AR: variants seen among roughly 807,000 people sequenced by gnomAD.
AR encodes androgen receptor.
AR carries 8 observed loss-of-function variants against 53.9 expected under a neutral mutation model. The observed-to-expected ratio is 0.15, with a 90% confidence interval of 0.09 to 0.27. The LOEUF (loss-of-function observed/expected upper bound fraction) is 0.27, where lower values mean the gene tolerates loss of function less well. Among genes scored for constraint, AR ranks in the 10% least tolerant of loss-of-function variants. The pLI is 1.00. For synonymous variants in AR, 359 were observed against 316.4 expected, an observed-to-expected ratio of 1.13 and a Z score of -1.43; for missense variants, 639 against 742.5, an observed-to-expected ratio of 0.86 and a Z score of 1.62.
intron 1 of AR, among the ~76,000 whole-genome samples, chrX:67,641,529 A>C (rs1038558633): frequency 2.7e-5 from 3 of 112,088 alleles, no homozygotes; most frequent in Non-Finnish European, 5.6e-5. Flanking sequence ...AAATGATCTT[A>C]GCATTTAGCT....
chrX:67,680,615 G>A, intron 2 of AR: 1 of 314,694 alleles, frequency 3.2e-6, no homozygotes. Context: ...AGGATTCTCT[G>A]TAGGTTAACA....
intron 2 of AR, among the ~76,000 whole-genome samples, chrX:67,677,494 G>A (rs1462429351): frequency 1.2e-4 from 13 of 111,773 alleles, no homozygotes; most frequent in Admixed American, 7.6e-4. Context: ...ATAACATTTC[G>A]TACACTGCTG....
chrX:67,649,069 C>T (rs929881990), intron 2 of AR, among the ~76,000 whole-genome samples: 4 of 111,448 alleles, frequency 3.6e-5, no homozygotes, highest in African/African-American at 1.3e-4. Flanking sequence ...GTTCCCCTCC[C>T]TGTGTCCATG....
intron 1 of AR, among the ~76,000 whole-genome samples, chrX:67,564,105 A>G (rs1921452674): frequency 9.0e-6 from 1 of 111,399 alleles, no homozygotes; most frequent in Non-Finnish European, 1.9e-5. Context: ...TTGCTTGGGA[A>G]CCTAATGTTA....
chrX:67,625,921 T>C lies in AR; in HGVS notation c.1617-17335T>C, dbSNP rs191651107. Among the ~76,000 whole-genome samples, 903 of 111,050 alleles carry C rather than the reference T, an allele frequency of 8.1e-3. 6 individuals carry two copies. Among genetic ancestry groups the C allele is most frequent in the African/African-American group, 0.028 (860 of 30,602 alleles). On this transcript the variant is annotated intron_variant, in intron 1 of 7. Transcript: ENST00000374690. ...AAAATTTTTTTAAAAAAACCCTTGA[T>C]TATTTTATTAAAATTTTGTTGTGGG... is the stretch of plus-strand genomic sequence containing the variant.
Position 67,724,146 on chromosome X carries a change from T to C in AR, c.*305T>C. The C allele has an allele frequency of 9.0e-6, 3 of 332,690 alleles. No individual in the cohort carries two copies. The highest frequency in any genetic ancestry group is 1.6e-5 in the Non-Finnish European group (3 of 189,717). The allele number at this position is 332,690 out of a possible 1,213,427, so 27.4% of individuals were successfully genotyped here. A position where few individuals can be genotyped will look rare whatever the true frequency, so the allele number is the denominator to read the frequency against. On this transcript the variant is annotated 3_prime_UTR_variant, in exon 8 of 8. Transcript: ENST00000374690. ...CTTTAAATCTGTGATGATCCTCATA[T>C]GGCCCAGTGTCAAGTTGTGCTTGTT... is the stretch of plus-strand genomic sequence containing the variant.
intron 4 of AR, among the ~76,000 whole-genome samples, chrX:67,715,143 G>T (rs1324298649): frequency 3.6e-5 from 4 of 111,378 alleles, no homozygotes; most frequent in Non-Finnish European, 7.5e-5. Flanking sequence ...AGGTTCACCA[G>T]CCAAAAGCTT....
chrX:67,614,489 A>G (rs1178551955), intron 1 of AR, among the ~76,000 whole-genome samples: 1 of 111,790 alleles, frequency 8.9e-6, no homozygotes, highest in Non-Finnish European at 1.9e-5. Flanking sequence ...ATTGTGAGTA[A>G]CAACACCAGA....
intron 3 of AR, among the ~76,000 whole-genome samples, chrX:67,687,954 G>A (rs2075975892): frequency 8.9e-6 from 1 of 112,458 alleles, no homozygotes; most frequent in Non-Finnish European, 1.9e-5. Context: ...AGGAGCCTGT[G>A]TATAACAGAT....
intron 1 of AR, among the ~76,000 whole-genome samples, chrX:67,617,806 C>G (rs1435215946): frequency 9.0e-6 from 1 of 111,529 alleles, no homozygotes; most frequent in African/African-American, 3.3e-5. Flanking sequence ...AACTCCCACT[C>G]CAGTATACTA....
intron 2 of AR, among the ~76,000 whole-genome samples, chrX:67,651,517 T>A (rs1008112926): frequency 9.0e-6 from 1 of 111,537 alleles, no homozygotes; most frequent in African/African-American, 3.3e-5. Context: ...AACCCAAGTC[T>A]TCTGGGGTCA....
At chrX:67,642,708 T>C (rs1925847303) in intron 1 of AR, among the ~76,000 whole-genome samples, 2 of 111,957 alleles carry the variant, frequency 1.8e-5, no homozygotes, top group African/African-American at 3.2e-5. Context: ...TGTGTATTTA[T>C]TCCAATGGCA....
At chrX:67,570,060 A>G (rs1921745667) in intron 1 of AR, among the ~76,000 whole-genome samples, 1 of 111,396 alleles carries the variant, frequency 9.0e-6, no homozygotes, top group Non-Finnish European at 1.9e-5. Context: ...TGCATGTTTT[A>G]GTTTGTATGA....
chrX:67,597,878 G>C (rs935524368), intron 1 of AR, among the ~76,000 whole-genome samples: 1 of 111,998 alleles, frequency 8.9e-6, no homozygotes, highest in Non-Finnish European at 1.9e-5. Flanking sequence ...GTTGTTGTTG[G>C]AGGGGGTGGT....
rs1329238897 is a variant in AR at position 67,568,246 on chromosome X, T to C, written c.1616+21484T>C. Among the ~76,000 whole-genome samples, 4 of 111,936 alleles carry C rather than the reference T, an allele frequency of 3.6e-5. No homozygotes were observed. In the Admixed American group the frequency reaches 3.8e-4, roughly 11 times the overall value. ...ATTTCTGAGGACTAATTGTGCTTCT[T>C]CGCTAGACACGAGTTCAAAACAGTG... On this transcript the variant is annotated intron_variant, in intron 1 of 7. Coordinates refer to ENST00000374690, the MANE Select transcript of AR (RefSeq NM_000044.6).
intron 1 of AR, among the ~76,000 whole-genome samples, chrX:67,572,515 A>G (rs1266367489): frequency 8.9e-6 from 1 of 111,805 alleles, no homozygotes; most frequent in African/African-American, 3.2e-5. Context: ...TAATAAAGAT[A>G]CTTTTTATAT....
rs1015108449 is a variant in AR, at chrX:67,554,101, T to A, written c.1616+7339T>A. Reference sequence around the variant, plus strand: ...GGATGAATAGGAGAGTGTTTTTAAATGTTCATCTCTTTAGAGAACAGCAGG... The same window carrying A: ...GGATGAATAGGAGAGTGTTTTTAAAAGTTCATCTCTTTAGAGAACAGCAGG... On this transcript the variant is annotated intron_variant, in intron 1 of 7. Transcript: ENST00000374690. Among the ~76,000 whole-genome samples the A allele has an allele frequency of 7.1e-5, 8 of 112,426 alleles. No homozygotes were observed. In the Admixed American group the frequency reaches 7.5e-4, roughly 11 times the overall value.
chrX:67,585,558 A>C (rs1398418373), intron 1 of AR, among the ~76,000 whole-genome samples: 1 of 112,464 alleles, frequency 8.9e-6, no homozygotes, highest in African/African-American at 3.2e-5. Context: ...ACCTGAAGTG[A>C]GAAGTCTGAG....
intron 1 of AR, among the ~76,000 whole-genome samples, chrX:67,576,527 A>T (rs1922055558): frequency 9.0e-6 from 1 of 111,259 alleles, no homozygotes; most frequent in Non-Finnish European, 1.9e-5. Context: ...TTTCTCACTT[A>T]ATGAAAAATT....
Sources: gnomAD v4.1 joint callset for allele counts (sites outside exome capture counted in the v4.1 genomes callset) on GRCh38, gnomAD v4.1.1 for gene constraint, MANE v1.5 for transcripts, NCBI Gene and HGNC (gene_info 2026-07-23, HGNC 2026-07-21) for gene names.